CDK17: variants seen among roughly 807,000 people sequenced by gnomAD.
CDK17 encodes the protein cyclin dependent kinase 17, also known as cyclin-dependent kinase 17.
In CDK17, 24 loss-of-function variants were observed where a neutral mutation model predicts 77.6. The observed-to-expected ratio is 0.31, with a 90% CI of 0.22 to 0.44. The LOEUF (loss-of-function observed/expected upper bound fraction) is 0.44. Ranked by LOEUF, CDK17 falls within the 20% of genes least tolerant of loss-of-function variation. The probability of loss-of-function intolerance (pLI) is 1.00; values close to 1 mark genes in which losing one functional copy is unlikely to be tolerated. For missense variants in CDK17, 429 were observed against 622.5 expected (o/e 0.69, Z 3.31); for synonymous variants, 203 against 210.4 (o/e 0.96, Z 0.30).
intron 1 of CDK17, among the ~76,000 whole-genome samples, chr12:96,395,618 T>C (rs1423638259): frequency 6.6e-6 from 1 of 152,196 alleles, no homozygotes; most frequent in Non-Finnish European, 1.5e-5. Context: ...AAGTTTATGT[T>C]ATGGACTGAA....
chr12:96,304,138 C>T (rs1382925349), intron 5 of CDK17, among the ~76,000 whole-genome samples: 3 of 152,134 alleles, frequency 2.0e-5, no homozygotes, highest in Admixed American at 2.0e-4. Context: ...CTATGTTTGA[C>T]CTCACATAAC....
At position 96,319,993 on chromosome 12, in the gene CDK17, A is replaced by G. The variant is rs534616132; in HGVS notation, c.283+3955T>C. Among the ~76,000 whole-genome samples the G allele has an allele frequency of 2.0e-5, 3 of 151,760 alleles. No individual in the cohort carries two copies. The South Asian group carries it at 6.3e-4, about 32-fold the overall frequency. ...GGAAATAAAGGGTATTCAATTAGGA[A>G]AAGAGGAAGTCAAATTGTCCCTGTT... On this transcript the variant is annotated intron_variant, in intron 3 of 16. Transcript: ENST00000261211.
intron 1 of CDK17, among the ~76,000 whole-genome samples, chr12:96,355,406 T>G (rs908925230): frequency 2.8e-5 from 4 of 141,830 alleles, no homozygotes; most frequent in East Asian, 2.0e-4. Context: ...GGGTTTTTTT[T>G]TTTTTTTTTT....
chr12:96,305,020 A>C (rs966622987), intron 5 of CDK17, among the ~76,000 whole-genome samples: 1 of 152,138 alleles, frequency 6.6e-6, no homozygotes, highest in African/African-American at 2.4e-5. Context: ...TATATGGATG[A>C]CCTCCATTAT....
intron 1 of CDK17, among the ~76,000 whole-genome samples, chr12:96,384,902 T>C (rs1953947803): frequency 6.7e-6 from 1 of 148,208 alleles, no homozygotes; most frequent in African/African-American, 2.5e-5. Flanking sequence ...CCCAGCTACG[T>C]GGAAGGCTGA....
chr12:96,357,308 T>C (rs1020949861), intron 1 of CDK17, among the ~76,000 whole-genome samples: 1 of 151,816 alleles, frequency 6.6e-6, no homozygotes, highest in African/African-American at 2.4e-5. Flanking sequence ...AAAAAAAATT[T>C]AAAAATAGCC....
intron 1 of CDK17, among the ~76,000 whole-genome samples, chr12:96,362,779 A>G (rs1159083031): frequency 6.6e-6 from 1 of 152,224 alleles, no homozygotes; most frequent in Non-Finnish European, 1.5e-5. Context: ...GTCCAAATGT[A>G]GCCCACAGCA....
chr12:96,306,460 G>C (rs562897032), intron 5 of CDK17, among the ~76,000 whole-genome samples: 1 of 151,442 alleles, frequency 6.6e-6, no homozygotes, highest in African/African-American at 2.4e-5. Context: ...CACATTGAAA[G>C]TTTAAAACTT....
intron 1 of CDK17, 165 bp from the exon 2 acceptor site, chr12:96,335,030 A>G (rs1592735487): frequency 1.5e-6 from 1 of 668,310 alleles, no homozygotes; most frequent in Middle Eastern, 2.4e-4. Context: ...AGATTCACCT[A>G]CTCCGAATAA....
At position 96,285,910 on chromosome 12, in the gene CDK17, T is replaced by C. The variant is rs895136279; in HGVS notation, c.1322+133A>G. On this transcript the variant is annotated intron_variant, in intron 13 of 16. Transcript: ENST00000261211. ...TTCTAAAACATATACAGTTCAAAAT[T>C]AAATAAGATCCTAAAATACGTAAGG... is the stretch of plus-strand genomic sequence containing the variant. The C allele has an allele frequency of 8.0e-6, 4 of 500,476 alleles. No individual in the cohort carries two copies. The Admixed American group carries it at 8.9e-5, about 11-fold the overall frequency. The allele number at this position is 500,476 out of a possible 1,614,324, so 31.0% of individuals were successfully genotyped here. A position where few individuals can be genotyped will look rare whatever the true frequency, so the allele number is the denominator to read the frequency against.
chr12:96,395,864 G>C (rs563233606), intron 1 of CDK17, among the ~76,000 whole-genome samples: 62 of 152,334 alleles, frequency 4.1e-4, no homozygotes, highest in African/African-American at 1.4e-3. Flanking sequence ...TGCCCAGGGA[G>C]AAGACAGCTG....
intron 5 of CDK17, among the ~76,000 whole-genome samples, chr12:96,301,255 A>AAC (rs1555200141): frequency 6.3e-4 from 94 of 148,518 alleles, no homozygotes; most frequent in South Asian, 2.6e-3. Flanking sequence ...AAAAAAAAAA[A>AAC]AAAACAAACA....
In CDK17 at chr12:96,289,190, C is replaced by T; in HGVS notation, c.1095G>A (p.Glu365=). 5 of 1,613,896 alleles carry T rather than the reference C, an allele frequency of 3.1e-6. No individual in the cohort carries two copies. The highest frequency in any genetic ancestry group is 4.2e-6 in the Non-Finnish European group (5 of 1,179,812). ...ACCACATGTCAATCTGTGTTGAGTA[C>T]TCCGAGGAACCAAGAAGCACATCAG... ...RPPDVLLGSS[E]YSTQIDMWGV... Residue 365 remains glutamate (E), a synonymous_variant, in exon 11 of 17, where the codon GAG becomes GAA. Coordinates refer to ENST00000261211, the MANE Select transcript of CDK17 (RefSeq NM_002595.5).
chr12:96,365,632 A>G (rs1436901811), intron 1 of CDK17, among the ~76,000 whole-genome samples: 3 of 152,264 alleles, frequency 2.0e-5, no homozygotes, highest in Non-Finnish European at 2.9e-5. Context: ...AATTTTAGCA[A>G]TATCAAATTA....
chr12:96,386,575 T>C (rs1369623112), intron 1 of CDK17, among the ~76,000 whole-genome samples: 1 of 152,054 alleles, frequency 6.6e-6, no homozygotes, highest in Non-Finnish European at 1.5e-5. Context: ...GGAGGATCTC[T>C]CGAGTCCATG....
chr12:96,385,592 T>G (rs2137235405), intron 1 of CDK17, among the ~76,000 whole-genome samples: 1 of 152,144 alleles, frequency 6.6e-6, no homozygotes, highest in East Asian at 1.9e-4. Flanking sequence ...GTTAAGCATC[T>G]TTTGCAAACA....
intron 1 of CDK17, among the ~76,000 whole-genome samples, chr12:96,339,538 T>A (rs1382577591): frequency 6.6e-6 from 1 of 151,870 alleles, no homozygotes; most frequent in Non-Finnish European, 1.5e-5. Flanking sequence ...ATGTGTATTT[T>A]ACAACTTTTT....
chr12:96,375,992 C>CTT (rs1953776255), intron 1 of CDK17, among the ~76,000 whole-genome samples: 1 of 152,142 alleles, frequency 6.6e-6, no homozygotes, highest in African/African-American at 2.4e-5. Flanking sequence ...AAGAATCAGA[C>CTT]TTTTTATAAA....
At chr12:96,282,701 G>T in intron 14 of CDK17, 102 bp from the exon 15 acceptor site, 1 of 697,776 alleles carries the variant, frequency 1.4e-6, no homozygotes, top group South Asian at 1.8e-5. Flanking sequence ...AAAAAATCTT[G>T]ATTATTTAAT....
Sources: gnomAD v4.1 joint callset for allele counts (sites outside exome capture counted in the v4.1 genomes callset) on GRCh38, gnomAD v4.1.1 for gene constraint, MANE v1.5 for transcripts, NCBI Gene and HGNC (gene_info 2026-07-23, HGNC 2026-07-21) for gene names.